TENM2: variants seen among roughly 807,000 people sequenced by gnomAD.
TENM2 encodes the protein teneurin transmembrane protein 2.
A neutral mutation model predicts 245.2 loss-of-function variants in TENM2; 52 were observed. The ratio of observed to expected loss-of-function variants is 0.21; its 90% confidence interval spans 0.17 to 0.27. The LOEUF (loss-of-function observed/expected upper bound fraction) is 0.27. TENM2 is among the 10% of genes least tolerant of loss of function. The probability of loss-of-function intolerance (pLI) is 1.00; values close to 1 mark genes in which losing one functional copy is unlikely to be tolerated. For synonymous variants in TENM2, 1,363 were observed against 1,438.9 expected (o/e 0.95, Z 1.19); for missense variants, 3,046 against 3,666.8 (o/e 0.83, Z 4.37).
chr5:168,262,428 A>ACGTGAC (rs1376565643), exon 29 of TENM2: 8 of 1,578,588 alleles, frequency 5.1e-6, no homozygotes, highest in Non-Finnish European at 6.9e-6. Context: ...AGCGGGGTGA[A>ACGTGAC]CGTGACCGTG....
chr5:167,931,437 GT>G (rs1464021651), intron 3 of TENM2, among the ~76,000 whole-genome samples: 1 of 151,032 alleles, frequency 6.6e-6, no homozygotes, highest in Non-Finnish European at 1.5e-5. Flanking sequence ...CAAAAGGCCT[GT>G]AAATTGGGCC....
the TENM2 span, among the ~76,000 whole-genome samples, chr5:167,185,137 C>A: frequency 3.3e-5 from 5 of 152,264 alleles, no homozygotes; most frequent in African/African-American, 9.6e-5. Context: ...ATCTATCTAT[C>A]TTTACCCTAC....
At chr5:167,438,959 A>T (rs1240365831) in intron 2 of TENM2, among the ~76,000 whole-genome samples, 3 of 151,550 alleles carry the variant, frequency 2.0e-5, no homozygotes, top group Non-Finnish European at 4.4e-5. Context: ...ACGCTCGGCT[A>T]GTTTTTTGTA....
At chr5:167,048,819 A>G in the TENM2 span, among the ~76,000 whole-genome samples, 4 of 152,192 alleles carry the variant, frequency 2.6e-5, no homozygotes, top group South Asian at 2.1e-4. Context: ...AAATTAAGGC[A>G]TTGGACCAGA....
intron 2 of TENM2, among the ~76,000 whole-genome samples, chr5:167,522,161 CA>C (rs1487571029): frequency 6.6e-6 from 1 of 152,082 alleles, no homozygotes. Context: ...TATATCATGA[CA>C]AGACCTTTTT....
At chr5:167,090,107 T>C in the TENM2 span, among the ~76,000 whole-genome samples, 1 of 152,172 alleles carries the variant, frequency 6.6e-6, no homozygotes, top group Non-Finnish European at 1.5e-5. Context: ...TATTTTTCTT[T>C]TCTTTTTTTA....
At chr5:167,410,257 C>T (rs1193339318) in intron 2 of TENM2, among the ~76,000 whole-genome samples, 1 of 151,956 alleles carries the variant, frequency 6.6e-6, no homozygotes, top group African/African-American at 2.4e-5. Flanking sequence ...CAACTCTTTT[C>T]ACTTGTTGAG....
At chr5:167,280,972 C>T (rs942978705), upstream of TENM2, among the ~76,000 whole-genome samples, 42 of 151,876 alleles carry the variant, frequency 2.8e-4, no homozygotes, top group African/African-American at 9.4e-4. Context: ...TTTAGCTGTA[C>T]CTTGTAGGGA....
At chr5:167,982,023 C>T (rs1782880809) in intron 4 of TENM2, among the ~76,000 whole-genome samples, 1 of 151,844 alleles carries the variant, frequency 6.6e-6, no homozygotes, top group Non-Finnish European at 1.5e-5. Context: ...AAATCCAGAT[C>T]CCATGCCTTC....
intron 1 of TENM2, among the ~76,000 whole-genome samples, chr5:167,368,915 C>A (rs1246035412): frequency 2.6e-5 from 4 of 152,066 alleles, no homozygotes; most frequent in Non-Finnish European, 4.4e-5. Context: ...TAACATTTAG[C>A]CTTCTCTGCC....
chr5:167,019,534 G>A, the TENM2 span, among the ~76,000 whole-genome samples: 1 of 151,876 alleles, frequency 6.6e-6, no homozygotes, highest in Non-Finnish European at 1.5e-5. Flanking sequence ...GCAGTGGCGC[G>A]ATCTCTGCTC....
At chr5:167,130,718 A>G in the TENM2 span, among the ~76,000 whole-genome samples, 6 of 151,856 alleles carry the variant, frequency 4.0e-5, no homozygotes, top group Non-Finnish European at 7.4e-5. Flanking sequence ...AATTCCCTCC[A>G]ATGTCTGTTG....
the TENM2 span, among the ~76,000 whole-genome samples, chr5:167,109,659 A>G: frequency 6.6e-6 from 1 of 152,028 alleles, no homozygotes; most frequent in African/African-American, 2.4e-5. Flanking sequence ...AGTGAATGGA[A>G]CATCCATTCT....
chr5:168,084,990 T>A (rs1208889748), intron 7 of TENM2, among the ~76,000 whole-genome samples: 4 of 152,200 alleles, frequency 2.6e-5, no homozygotes, highest in Admixed American at 6.5e-5. Context: ...ACTAGGTTCT[T>A]GGAAAAGATG....
intron 2 of TENM2, among the ~76,000 whole-genome samples, chr5:167,717,176 G>C (rs1375639413): frequency 6.6e-6 from 1 of 151,808 alleles, no homozygotes; most frequent in East Asian, 1.9e-4. Flanking sequence ...GGCTGGCCTC[G>C]AACTCCTGGC....
At chr5:168,127,047 A>C in intron 12 of TENM2, 81 bp downstream of exon 14, 6 of 1,200,792 alleles carry the variant, frequency 5.0e-6, no homozygotes, top group Non-Finnish European at 5.9e-6. Context: ...TCAGGGACAC[A>C]AGTGCTCTCC....
the TENM2 span, among the ~76,000 whole-genome samples, chr5:167,075,284 A>G: frequency 3.4e-4 from 52 of 152,106 alleles, no homozygotes; most frequent in Non-Finnish European, 6.0e-4. Flanking sequence ...GAGGCTTCCT[A>G]GAGGGTTTCC....
intron 2 of TENM2, among the ~76,000 whole-genome samples, chr5:167,751,720 A>C (rs72832005): frequency 0.075 from 11,398 of 151,220 alleles, 609 homozygotes; most frequent in East Asian, 0.19. Context: ...TAGCTTTCCC[A>C]CTGTTTTGGT....
chr5:167,209,322 G>A, the TENM2 span, among the ~76,000 whole-genome samples: 1 of 151,666 alleles, frequency 6.6e-6, no homozygotes, highest in Admixed American at 6.6e-5. Flanking sequence ...GGAGTGCAGT[G>A]GTGTGATCTC....
Sources: gnomAD v4.1 joint callset for allele counts (sites outside exome capture counted in the v4.1 genomes callset) on GRCh38, gnomAD v4.1.1 for gene constraint, MANE v1.5 for transcripts, NCBI Gene and HGNC (gene_info 2026-07-23, HGNC 2026-07-21) for gene names.